Variants in AGBL1 observed in about 807,000 individuals in gnomAD.
AGBL1 encodes cytosolic carboxypeptidase 4.
In AGBL1, 130 loss-of-function variants were observed where a neutral mutation model predicts 118.9. The ratio of observed to expected loss-of-function variants is 1.09; its 90% CI spans 0.95 to 1.26. AGBL1 has a LOEUF of 1.26. Among genes scored for constraint, AGBL1 ranks in the 50% most tolerant of loss-of-function variants. AGBL1 has a pLI of 0.00. For synonymous variants in AGBL1, 555 were observed against 478.9 expected (o/e 1.16, Z -2.08); for missense variants, 1,584 against 1,298.1 (o/e 1.22, Z -3.38).
chr15:86,690,003 C>G (rs2086134807), intron 22 of AGBL1, among the ~76,000 whole-genome samples: 1 of 152,132 alleles, frequency 6.6e-6, no homozygotes, highest in South Asian at 2.1e-4. Flanking sequence ...AACATAATGT[C>G]TAGAATTAGA....
In AGBL1 at chr15:86,225,013, T is replaced by G. The variant is rs1314128186; in HGVS notation, c.526+62T>G. 1.0e-5 allele frequency: 16 copies of G among 1,525,160 alleles called. No homozygotes were observed. The Admixed American group carries it at 3.0e-4, about 29-fold the overall frequency. The allele number at this position is 1,525,160 out of a possible 1,614,324, so 94.5% of individuals were successfully genotyped here. ...ACTCTGGGTTTAATGAAAGATACTT[T>G]CTGGTCCCCATGGCTGTTTCTTTTT... On this transcript the variant is annotated intron_variant, in intron 6 of 22. Coordinates refer to ENST00000614907, the MANE Select transcript of AGBL1 (RefSeq NM_001386094.1).
chr15:86,752,721 T>C (rs1457761761), intron 22 of AGBL1, among the ~76,000 whole-genome samples: 2 of 152,072 alleles, frequency 1.3e-5, no homozygotes, highest in Non-Finnish European at 2.9e-5. Context: ...AAAGAATAGA[T>C]ACCTTTGAAG....
chr15:86,634,898 AT>A (rs143362830), intron 21 of AGBL1, among the ~76,000 whole-genome samples: 11 of 151,714 alleles, frequency 7.3e-5, no homozygotes, highest in South Asian at 2.1e-4. Context: ...TCTAAAAGAC[AT>A]TTTTTTTCTT....
intron 23 of AGBL1, among the ~76,000 whole-genome samples, chr15:86,949,388 C>T (rs954214349): frequency 6.6e-6 from 1 of 152,046 alleles, no homozygotes; most frequent in Non-Finnish European, 1.5e-5. Flanking sequence ...AACTGCTCCA[C>T]CCTTCAGGGA....
intron 9 of AGBL1, among the ~76,000 whole-genome samples, chr15:86,259,698 G>A (rs1251769835): frequency 6.6e-6 from 1 of 152,194 alleles, no homozygotes; most frequent in African/African-American, 2.4e-5. Flanking sequence ...TTGGATCTTT[G>A]CTGTGGCTTG....
chr15:86,408,072 CTCTT>C (rs1370288918), intron 18 of AGBL1, among the ~76,000 whole-genome samples: 2 of 152,126 alleles, frequency 1.3e-5, no homozygotes, highest in Non-Finnish European at 2.9e-5. Context: ...GCGTTTCTGT[CTCTT>C]TCTTTCTTTC....
intron 18 of AGBL1, among the ~76,000 whole-genome samples, chr15:86,459,619 T>C (rs946860167): frequency 2.6e-5 from 4 of 152,086 alleles, no homozygotes; most frequent in African/African-American, 9.7e-5. Context: ...ATTTTATTGA[T>C]CACTCATCAT....
At chr15:86,141,026 C>T (rs1212201904) in intron 1 of AGBL1, among the ~76,000 whole-genome samples, 1 of 152,106 alleles carries the variant, frequency 6.6e-6, no homozygotes, top group African/African-American at 2.4e-5. Flanking sequence ...TAAGGCTTTG[C>T]CTTAAATAAA....
At chr15:86,851,413 G>A (rs570242192) in intron 22 of AGBL1, among the ~76,000 whole-genome samples, 13 of 152,212 alleles carry the variant, frequency 8.5e-5, no homozygotes, top group Admixed American at 2.6e-4. Context: ...GGACAGAAAG[G>A]TCCATCACCT....
chr15:86,791,910 A>G (rs1166032511), intron 22 of AGBL1, among the ~76,000 whole-genome samples: 2 of 151,718 alleles, frequency 1.3e-5, no homozygotes, highest in African/African-American at 4.8e-5. Context: ...CTAATTTTTT[A>G]TTGTTAGTAG....
intron 21 of AGBL1, among the ~76,000 whole-genome samples, chr15:86,661,733 G>A (rs1457719886): frequency 6.6e-6 from 1 of 152,086 alleles, no homozygotes; most frequent in South Asian, 2.1e-4. Flanking sequence ...GAGATAGGGA[G>A]CTGGGAGATG....
intron 18 of AGBL1, among the ~76,000 whole-genome samples, chr15:86,414,595 A>C (rs2142014853): frequency 6.6e-6 from 1 of 152,284 alleles, no homozygotes; most frequent in African/African-American, 2.4e-5. Context: ...TGGGTAAACA[A>C]ATTTTCTTTT....
intron 21 of AGBL1, among the ~76,000 whole-genome samples, chr15:86,584,522 C>T (rs2084218640): frequency 6.6e-6 from 1 of 152,006 alleles, no homozygotes; most frequent in African/African-American, 2.4e-5. Flanking sequence ...TCTCAGTTTT[C>T]TATTCTGTTC....
chr15:86,328,858 G>A (rs930332713), intron 17 of AGBL1, among the ~76,000 whole-genome samples: 1 of 152,184 alleles, frequency 6.6e-6, no homozygotes, highest in East Asian at 1.9e-4. Flanking sequence ...CCAGATTCAG[G>A]ACCAAGGACA....
chr15:87,017,739 A>G (rs955595454), intron 24 of AGBL1, among the ~76,000 whole-genome samples: 19 of 152,146 alleles, frequency 1.2e-4, no homozygotes, highest in African/African-American at 4.6e-4. Context: ...AGTGCCTTAT[A>G]TCCTCCAAAT....
intron 1 of AGBL1, among the ~76,000 whole-genome samples, chr15:86,126,227 G>A (rs1898422407): frequency 6.6e-6 from 1 of 151,504 alleles, no homozygotes; most frequent in Admixed American, 6.6e-5. Flanking sequence ...CTGTTTTTGG[G>A]GTGTGAACTA....
intron 5 of AGBL1, among the ~76,000 whole-genome samples, chr15:86,215,164 G>A (rs928382261): frequency 2.0e-5 from 3 of 151,746 alleles, no homozygotes; most frequent in Admixed American, 2.0e-4. Context: ...AGCAAGATCC[G>A]TGTGTTACCA....
At chr15:86,270,977 C>A (rs148207999) in intron 14 of AGBL1, among the ~76,000 whole-genome samples, 99 of 151,476 alleles carry the variant, frequency 6.5e-4, no homozygotes, top group African/African-American at 2.3e-3. Context: ...GCTGATGGCC[C>A]CTTCTTGCAT....
At chr15:86,191,178 C>G (rs1490645515) in intron 5 of AGBL1, among the ~76,000 whole-genome samples, 1 of 151,424 alleles carries the variant, frequency 6.6e-6, no homozygotes, top group Non-Finnish European at 1.5e-5. Context: ...CCCCCCCTCC[C>G]TACTAAAAAT....
Sources: allele counts gnomAD v4.1 joint callset (sites outside exome capture counted in the v4.1 genomes callset), GRCh38; gene constraint gnomAD v4.1.1; transcripts MANE v1.5; gene names NCBI Gene and HGNC (gene_info 2026-07-23, HGNC 2026-07-21).